PLCH1: variants seen among roughly 807,000 people sequenced by gnomAD.
PLCH1 encodes 1-phosphatidylinositol 4,5-bisphosphate phosphodiesterase eta-1.
A neutral mutation model predicts 126.7 loss-of-function variants in PLCH1; 60 were observed. The observed-to-expected ratio is 0.47, with a 90% CI of 0.38 to 0.59. The LOEUF is 0.59. Among genes scored for constraint, PLCH1 ranks in the 20% least tolerant of loss-of-function variants. The probability of loss-of-function intolerance (pLI) is 0.00; values close to 1 mark genes in which losing one functional copy is unlikely to be tolerated. For synonymous variants in PLCH1, 719 were observed against 734.9 expected, an observed-to-expected ratio of 0.98 and a Z score of 0.35; for missense variants, 1,723 against 2,040.0, an observed-to-expected ratio of 0.84 and a Z score of 2.99.
intron 1 of PLCH1, among the ~76,000 whole-genome samples, chr3:155,728,388 C>G (rs1010815954): frequency 1.3e-5 from 2 of 152,066 alleles, no homozygotes; most frequent in African/African-American, 2.4e-5. Flanking sequence ...TCATGATAAG[C>G]ATTTTGCAAG....
intron 1 of PLCH1, among the ~76,000 whole-genome samples, chr3:155,722,585 AT>A (rs80204586): frequency 2.0e-5 from 3 of 152,044 alleles, no homozygotes; most frequent in Non-Finnish European, 4.4e-5. Context: ...TAATCATGTG[AT>A]TTTTGTTTTT....
chr3:155,741,684 C>CTTTTATTTTTTTTTTATTTT, intron 1 of PLCH1, among the ~76,000 whole-genome samples: 5 of 102,868 alleles, frequency 4.9e-5, no homozygotes, highest in Non-Finnish European at 7.0e-5. Flanking sequence ...TTTATATCCT[C>CTTTTATTTTTTTTTTATTTT]TTTTTTTTTT....
chr3:155,593,050 G>A (rs1381125439), intron 4 of PLCH1, among the ~76,000 whole-genome samples: 1 of 152,100 alleles, frequency 6.6e-6, no homozygotes, highest in African/African-American at 2.4e-5. Flanking sequence ...AGCCAGAGCA[G>A]CACAAATATA....
Position 155,593,943 on chromosome 3 carries a change from G to A in PLCH1, c.468C>T (p.Asp156=). 1 of 1,614,024 alleles carries A rather than the reference G, an allele frequency of 6.2e-7. No homozygotes were observed. The highest frequency in any genetic ancestry group is 8.5e-7 in the Non-Finnish European group (1 of 1,179,950). Reference sequence around the variant, plus strand: ...AAATAAAGTTCTAGAAAGGATATTGGTCATGGGTCCTCTGCCTTTTGGCAA... The same window carrying A: ...AAATAAAGTTCTAGAAAGGATATTGATCATGGGTCCTCTGCCTTTTGGCAA... ...DSLAKRQRTH[D]QWVKQTFEEA... is the part of the protein sequence containing the mutation. The change falls in exon 4 of 23, where the codon GAC becomes GAT. Residue 156 remains aspartate, a splice_region_variant and synonymous_variant. Transcript: ENST00000460012.
chr3:155,621,076 A>AT (rs2108771198), intron 2 of PLCH1, among the ~76,000 whole-genome samples: 1 of 152,222 alleles, frequency 6.6e-6, no homozygotes, highest in African/African-American at 2.4e-5. Flanking sequence ...ACAGGCTGCA[A>AT]TCTTTGCTGT....
chr3:155,487,179 G>A (rs1264878057), intron 21 of PLCH1: 1 of 152,104 alleles, frequency 6.6e-6, no homozygotes, highest in Admixed American at 6.5e-5. Context: ...ATTAATATTA[G>A]CCAACATTTC....
chr3:155,710,155 T>C (rs1224612078), intron 1 of PLCH1, among the ~76,000 whole-genome samples: 1 of 151,958 alleles, frequency 6.6e-6, no homozygotes. Context: ...ACCTGGCGAA[T>C]TTTTGTATTT....
At chr3:155,728,086 T>A (rs1432256358) in intron 1 of PLCH1, among the ~76,000 whole-genome samples, 1 of 152,228 alleles carries the variant, frequency 6.6e-6, no homozygotes, top group Non-Finnish European at 1.5e-5. Context: ...AGTGCTCAAC[T>A]GAACCCTCTT....
intron 1 of PLCH1, among the ~76,000 whole-genome samples, chr3:155,718,054 A>G (rs1475467205): frequency 2.0e-5 from 3 of 152,218 alleles, no homozygotes; most frequent in Admixed American, 2.0e-4. Context: ...AATACTGCCC[A>G]GAAATTCATT....
intron 21 of PLCH1, among the ~76,000 whole-genome samples, chr3:155,455,933 T>A (rs1398239617): frequency 1.3e-5 from 2 of 152,184 alleles, no homozygotes; most frequent in African/African-American, 2.4e-5. Context: ...TGACAAGGAC[T>A]ACTAGGTGGA....
At chr3:155,493,787 A>G (rs1289609892) in intron 17 of PLCH1, among the ~76,000 whole-genome samples, 1 of 152,210 alleles carries the variant, frequency 6.6e-6, no homozygotes, top group African/African-American at 2.4e-5. Flanking sequence ...CCAGCAGGTC[A>G]CAGACTCACA....
intron 11 of PLCH1, 82 bp downstream of exon 11, chr3:155,523,815 G>T: frequency 1.4e-6 from 1 of 737,282 alleles, no homozygotes; most frequent in Non-Finnish European, 2.3e-6. Context: ...TAATTGTGAG[G>T]CCTCCAACAC....
intron 8 of PLCH1, among the ~76,000 whole-genome samples, chr3:155,563,749 T>C (rs1049341452): frequency 6.6e-6 from 1 of 152,116 alleles, no homozygotes; most frequent in African/African-American, 2.4e-5. Flanking sequence ...TGGCCCCTCA[T>C]TACCAAAAAC....
At chr3:155,502,012 A>C (rs890980473) in intron 13 of PLCH1, among the ~76,000 whole-genome samples, 5 of 151,544 alleles carry the variant, frequency 3.3e-5, no homozygotes, top group African/African-American at 4.9e-5. Flanking sequence ...CTTCTCCTAA[A>C]CCCCCCCAAA....
chr3:155,604,757 CAG>C (rs1223405160), intron 2 of PLCH1, among the ~76,000 whole-genome samples: 1 of 152,134 alleles, frequency 6.6e-6, no homozygotes, highest in Admixed American at 6.5e-5. Flanking sequence ...CAGAGCCACT[CAG>C]AGAAAGGAGA....
intron 5 of PLCH1, among the ~76,000 whole-genome samples, chr3:155,585,562 G>T (rs1182095119): frequency 2.0e-5 from 3 of 152,178 alleles, no homozygotes; most frequent in Non-Finnish European, 2.9e-5. Flanking sequence ...AACAGGGAAA[G>T]AGCCTTTCAT....
intron 1 of PLCH1, among the ~76,000 whole-genome samples, chr3:155,718,900 A>G (rs1393529561): frequency 6.6e-6 from 1 of 152,130 alleles, no homozygotes; most frequent in Admixed American, 6.6e-5. Context: ...CACCAGAAAT[A>G]TATGTATTTA....
intron 21 of PLCH1, among the ~76,000 whole-genome samples, chr3:155,460,787 AAGATAGATAGATAGAT>A (rs142518324): frequency 0.015 from 2,140 of 146,464 alleles, 22 homozygotes; most frequent in Admixed American, 0.042. Flanking sequence ...ATAGATATAG[AAGATAGATAGATAGAT>A]AGATAGATAG....
intron 21 of PLCH1, among the ~76,000 whole-genome samples, chr3:155,472,449 C>A (rs1713312683): frequency 6.6e-6 from 1 of 151,782 alleles, no homozygotes; most frequent in African/African-American, 2.4e-5. Flanking sequence ...GTTTACCAAC[C>A]AAAAAGAGTC....
Sources: gnomAD v4.1 joint callset for allele counts (sites outside exome capture counted in the v4.1 genomes callset) on GRCh38, gnomAD v4.1.1 for gene constraint, MANE v1.5 for transcripts, NCBI Gene and HGNC (gene_info 2026-07-23, HGNC 2026-07-21) for gene names.